The following RIN2 variants were observed in gnomAD, a reference collection of about 807,000 sequenced individuals.
RIN2 encodes RAB5 interacting protein 2.
RIN2 carries 36 observed loss-of-function variants against 78.0 expected under a neutral mutation model. That is an observed-to-expected ratio of 0.46 (90% CI 0.35 to 0.61). RIN2 has a LOEUF of 0.61. Among genes scored for constraint, RIN2 ranks in the 20% least tolerant of loss-of-function variants. RIN2 has a pLI of 0.00. For missense variants in RIN2, 1,087 were observed against 1,159.7 expected (o/e 0.94, Z 0.91); for synonymous variants, 466 against 466.8 (o/e 1.00, Z 0.02).
intron 3 of RIN2, among the ~76,000 whole-genome samples, chr20:19,898,731 A>G (rs1358268538): frequency 6.6e-6 from 1 of 152,234 alleles, no homozygotes; most frequent in African/African-American, 2.4e-5. Flanking sequence ...CATAAGTCAA[A>G]CACAGATACA....
chr20:19,953,526 G>A (rs1474501757), intron 4 of RIN2, among the ~76,000 whole-genome samples: 11 of 151,668 alleles, frequency 7.3e-5, no homozygotes, highest in African/African-American at 1.5e-4. Flanking sequence ...TGCAACCTCC[G>A]CCTCCCCAAG....
chr20:19,967,040 A>G (rs745431141), intron 7 of RIN2, among the ~76,000 whole-genome samples: 6 of 152,154 alleles, frequency 3.9e-5, no homozygotes, highest in Non-Finnish European at 7.3e-5. Context: ...GCCAGCTGAT[A>G]TTTACTTTTC....
chr20:19,996,342 AC>A (rs1026176119), intron 11 of RIN2, among the ~76,000 whole-genome samples: 2 of 152,126 alleles, frequency 1.3e-5, no homozygotes, highest in African/African-American at 4.8e-5. Context: ...AAACAAACAA[AC>A]AAAAAAAACA....
At chr20:19,914,948 T>A (rs887924418) in intron 3 of RIN2, among the ~76,000 whole-genome samples, 1 of 152,054 alleles carries the variant, frequency 6.6e-6, no homozygotes, top group Non-Finnish European at 1.5e-5. Context: ...ACAACCTCAA[T>A]GAGAGCAGAA....
chr20:19,863,622 T>C (rs150767263), intron 2 of RIN2, among the ~76,000 whole-genome samples: 11 of 152,308 alleles, frequency 7.2e-5, no homozygotes, highest in East Asian at 3.9e-4. Context: ...ATCCTCCTCT[T>C]TCCTGCCTCA....
chr20:19,846,041 T>A (rs1195692166), intron 2 of RIN2, among the ~76,000 whole-genome samples: 1 of 152,226 alleles, frequency 6.6e-6, no homozygotes, highest in Non-Finnish European at 1.5e-5. Context: ...TGGTTGTAGA[T>A]GTGTGGCGTT....
intron 2 of RIN2, among the ~76,000 whole-genome samples, chr20:19,822,729 TAA>T: frequency 6.6e-6 from 1 of 152,314 alleles, no homozygotes; most frequent in South Asian, 2.1e-4. Context: ...ATGAACATAG[TAA>T]AGTTTTAATT....
intron 2 of RIN2, among the ~76,000 whole-genome samples, chr20:19,876,183 C>T (rs930158674): frequency 1.4e-4 from 21 of 152,114 alleles, no homozygotes; most frequent in African/African-American, 5.1e-4. Context: ...CTCCACAAAC[C>T]CTTGGCTTTT....
chr20:19,979,566 C>T (rs1300393414), intron 9 of RIN2, among the ~76,000 whole-genome samples: 2 of 151,856 alleles, frequency 1.3e-5, no homozygotes, highest in Non-Finnish European at 2.9e-5. Context: ...GAAATGATTC[C>T]CGGGGAGTTA....
Position 19,983,417 on chromosome 20 carries a change from C to T in RIN2, c.1763-6589C>T, listed in dbSNP as rs566911519. Among the ~76,000 whole-genome samples the T allele has an allele frequency of 5.3e-5, 8 of 152,158 alleles. No individual in the cohort carries two copies. In the South Asian group the frequency reaches 8.3e-4, roughly 16 times the overall value. On this transcript the variant is annotated intron_variant, in intron 9 of 12. Transcript: ENST00000255006. ...GACAGAATGACAGTAGTCCCAGCGT[C>T]GTAGGGCTGAAGTGAGGGTTAATGA... is the stretch of plus-strand genomic sequence containing the variant.
chr20:19,876,924 A>G (rs183307445), intron 2 of RIN2, among the ~76,000 whole-genome samples: 21 of 151,896 alleles, frequency 1.4e-4, no homozygotes, highest in South Asian at 8.4e-4. Context: ...CAAAAAACAA[A>G]CAAACAAAAA....
intron 2 of RIN2, among the ~76,000 whole-genome samples, chr20:19,800,916 A>C (rs1416207852): frequency 6.6e-6 from 1 of 152,194 alleles, no homozygotes; most frequent in African/African-American, 2.4e-5. Context: ...GTGTTGCTGG[A>C]GTTTCAACCC....
At chr20:19,791,093 C>T (rs527318083) in intron 1 of RIN2, among the ~76,000 whole-genome samples, 237 of 152,306 alleles carry the variant, frequency 1.6e-3, no homozygotes, top group Non-Finnish European at 2.5e-3. Context: ...AAAAACAGGA[C>T]TTCATGTGTG....
At chr20:19,902,326 C>A (rs563105356) in intron 3 of RIN2, among the ~76,000 whole-genome samples, 11 of 152,166 alleles carry the variant, frequency 7.2e-5, no homozygotes, top group South Asian at 2.1e-4. Context: ...GAGACTCAGG[C>A]AGTCTCTCCT....
intron 1 of RIN2, among the ~76,000 whole-genome samples, chr20:19,790,312 C>A (rs2034848223): frequency 6.6e-6 from 1 of 152,098 alleles, no homozygotes; most frequent in Admixed American, 6.6e-5. Flanking sequence ...TGCCTGCTTC[C>A]CACTCAGATA....
At chr20:19,964,873 C>A in intron 6 of RIN2, 79 bp from the exon 7 acceptor site, 1 of 1,198,412 alleles carries the variant, frequency 8.3e-7, no homozygotes, top group Non-Finnish European at 1.2e-6. Flanking sequence ...GATGGTCCCA[C>A]ACACATGGTG....
intron 11 of RIN2, among the ~76,000 whole-genome samples, chr20:19,995,037 T>C (rs1205380768): frequency 6.6e-6 from 1 of 152,136 alleles, no homozygotes; most frequent in Admixed American, 6.5e-5. Context: ...CTCGTGTTCA[T>C]GTCCAGCACG....
chr20:19,854,786 A>G (rs2037111816), intron 2 of RIN2, among the ~76,000 whole-genome samples: 1 of 152,192 alleles, frequency 6.6e-6, no homozygotes, highest in Admixed American at 6.5e-5. Context: ...TTGGGCTGAG[A>G]CGATGGGGTT....
intron 3 of RIN2, among the ~76,000 whole-genome samples, chr20:19,903,006 T>C (rs2039052109): frequency 6.6e-6 from 1 of 151,982 alleles, no homozygotes; most frequent in South Asian, 2.1e-4. Flanking sequence ...GGCAGGAGAA[T>C]GGCATGAACT....
Sources: gnomAD v4.1 joint callset for allele counts (sites outside exome capture counted in the v4.1 genomes callset) on GRCh38, gnomAD v4.1.1 for gene constraint, MANE v1.5 for transcripts, NCBI Gene and HGNC (gene_info 2026-07-23, HGNC 2026-07-21) for gene names.